The following DACH2 variants were observed in gnomAD, a reference collection of about 807,000 sequenced individuals.
The protein encoded by DACH2 is dachshund homolog 2.
A neutral mutation model predicts 35.8 loss-of-function variants in DACH2; 17 were observed. The ratio of observed to expected loss-of-function variants is 0.48; its 90% confidence interval spans 0.33 to 0.71. DACH2 has a LOEUF of 0.71. Ranked by LOEUF, DACH2 falls within the 30% of genes least tolerant of loss-of-function variation. DACH2 has a pLI of 0.02. For missense variants in DACH2, 469 were observed against 472.7 expected, an observed-to-expected ratio of 0.99 and a Z score of 0.07; for synonymous variants, 195 against 177.3, an observed-to-expected ratio of 1.10 and a Z score of -0.79.
At chrX:86,608,041 G>A (rs1441309878) in intron 3 of DACH2, among the ~76,000 whole-genome samples, 1 of 107,701 alleles carries the variant, frequency 9.3e-6, no homozygotes, top group African/African-American at 3.4e-5. Flanking sequence ...TGTGAATAAT[G>A]CCACAATAAA....
intron 2 of DACH2, among the ~76,000 whole-genome samples, chrX:86,443,158 C>A (rs371933829): frequency 9.0e-6 from 1 of 111,330 alleles, no homozygotes; most frequent in African/African-American, 3.3e-5. Context: ...GTAATATTGA[C>A]GTTTTTACAA....
In DACH2 at chrX:86,413,524, A is replaced by G. The variant is rs188147839; in HGVS notation, c.527+36662A>G. Among the ~76,000 whole-genome samples the G allele has an allele frequency of 4.0e-3, 449 of 112,007 alleles. 3 individuals are homozygous for G. The highest frequency in any genetic ancestry group is 0.014 in the African/African-American group (423 of 30,777). ...AATCCACTGTCATTCTCCAATATCC[A>G]TTTGTCTTCTGCACAGGCCAAATGG... On this transcript the variant is annotated intron_variant, in intron 2 of 11. Coordinates refer to ENST00000373125, the MANE Select transcript of DACH2 (RefSeq NM_053281.3).
intron 2 of DACH2, among the ~76,000 whole-genome samples, chrX:86,398,651 A>C (rs1371367579): frequency 8.9e-6 from 1 of 111,750 alleles, no homozygotes; most frequent in African/African-American, 3.3e-5. Flanking sequence ...TTATGTACCC[A>C]GTGGTTATTC....
intron 1 of DACH2, among the ~76,000 whole-genome samples, chrX:86,348,374 A>G (rs928663388): frequency 2.7e-5 from 3 of 112,256 alleles, no homozygotes. Context: ...ACTACTTAAC[A>G]TGTTATTTGG....
chrX:86,300,607 G>A (rs1025903447), intron 1 of DACH2, among the ~76,000 whole-genome samples: 1 of 110,629 alleles, frequency 9.0e-6, no homozygotes, highest in Non-Finnish European at 1.9e-5. Context: ...AATGGGTGCA[G>A]CACACCAACA....
intron 1 of DACH2, among the ~76,000 whole-genome samples, chrX:86,323,715 G>A (rs933614967): frequency 2.7e-5 from 3 of 111,434 alleles, no homozygotes; most frequent in African/African-American, 9.8e-5. Flanking sequence ...AGTTGCTCCA[G>A]GACCTATTCC....
At chrX:86,455,457 G>T (rs977607487) in intron 2 of DACH2, among the ~76,000 whole-genome samples, 2 of 111,831 alleles carry the variant, frequency 1.8e-5, no homozygotes, top group East Asian at 2.8e-4. Context: ...AGAGATCAGA[G>T]CTCTGTTCAT....
intron 2 of DACH2, among the ~76,000 whole-genome samples, chrX:86,398,897 A>T (rs2036359475): frequency 8.9e-6 from 1 of 111,910 alleles, no homozygotes. Flanking sequence ...GATGTCTATT[A>T]GGTCCACTTG....
At chrX:86,612,048 G>A (rs1569452719) in intron 3 of DACH2, among the ~76,000 whole-genome samples, 1 of 106,672 alleles carries the variant, frequency 9.4e-6, no homozygotes, top group African/African-American at 3.4e-5. Context: ...TCTCTAAAAG[G>A]TTTTTTTTAG....
intron 1 of DACH2, among the ~76,000 whole-genome samples, chrX:86,347,396 C>T (rs933061506): frequency 1.5e-5 from 1 of 66,430 alleles, no homozygotes; most frequent in East Asian, 6.9e-4. Context: ...CACTTGCACA[C>T]ATACGCAAAA....
chrX:86,738,350 AAC>A (rs746122567), intron 6 of DACH2, among the ~76,000 whole-genome samples: 1 of 111,817 alleles, frequency 8.9e-6, no homozygotes, highest in Admixed American at 9.6e-5. Context: ...GCATTAAACG[AAC>A]AGTTTTTTAG....
chrX:86,778,714 G>A (rs1412081793), intron 7 of DACH2, among the ~76,000 whole-genome samples: 4 of 110,895 alleles, frequency 3.6e-5, no homozygotes, highest in South Asian at 3.9e-4. Context: ...GGGTTCAAGC[G>A]GTTCTCCTGC....
intron 3 of DACH2, among the ~76,000 whole-genome samples, chrX:86,636,800 G>A (rs67213466): frequency 0.13 from 13,789 of 109,688 alleles, 751 homozygotes; most frequent in East Asian, 0.32. Context: ...AAAGGAATGG[G>A]CAAAGATTTC....
At chrX:86,579,085 T>C (rs1267681265) in intron 3 of DACH2, among the ~76,000 whole-genome samples, 1 of 109,813 alleles carries the variant, frequency 9.1e-6, no homozygotes, top group Non-Finnish European at 1.9e-5. Context: ...AAGTTTATTG[T>C]TCACTTTTTA....
intron 3 of DACH2, among the ~76,000 whole-genome samples, chrX:86,587,806 T>C (rs2039593846): frequency 8.9e-6 from 1 of 111,974 alleles, no homozygotes; most frequent in Non-Finnish European, 1.9e-5. Context: ...AATATTTGCT[T>C]CTATTCTGTG....
At chrX:86,181,853 T>G (rs1351674555) in intron 1 of DACH2, among the ~76,000 whole-genome samples, 2 of 111,900 alleles carry the variant, frequency 1.8e-5, no homozygotes, top group Non-Finnish European at 3.8e-5. Context: ...TCTGTTGTTT[T>G]CTGACTTTGT....
intron 1 of DACH2, among the ~76,000 whole-genome samples, chrX:86,330,350 T>C (rs1416513391): frequency 4.5e-5 from 5 of 112,079 alleles, no homozygotes; most frequent in Non-Finnish European, 9.4e-5. Context: ...TTTGTGTTGT[T>C]AATCCTTGTT....
At chrX:86,576,493 A>G (rs1432276316) in intron 3 of DACH2, among the ~76,000 whole-genome samples, 1 of 111,833 alleles carries the variant, frequency 8.9e-6, no homozygotes, top group African/African-American at 3.2e-5. Context: ...TCTTGGGGTT[A>G]GAAAAGTTTT....
At chrX:86,326,482 T>TACACACAC (rs775373273) in intron 1 of DACH2, among the ~76,000 whole-genome samples, 32 of 72,854 alleles carry the variant, frequency 4.4e-4, no homozygotes, top group African/African-American at 1.6e-3. Context: ...GTTAAAAAAT[T>TACACACAC]ATACATACAC....
Sources: allele counts gnomAD v4.1 joint callset (sites outside exome capture counted in the v4.1 genomes callset), GRCh38; gene constraint gnomAD v4.1.1; transcripts MANE v1.5; gene names NCBI Gene and HGNC (gene_info 2026-07-23, HGNC 2026-07-21).